Variants in GPC5 observed in about 807,000 individuals in gnomAD.
GPC5 encodes the protein glypican-5.
In GPC5, 47 loss-of-function variants were observed where a neutral mutation model predicts 53.9. The ratio of observed to expected loss-of-function variants is 0.87; its 90% confidence interval spans 0.69 to 1.11. The LOEUF (loss-of-function observed/expected upper bound fraction) is 1.11, where lower values mean the gene tolerates loss of function less well. GPC5 is among the 50% of genes most tolerant of loss of function. The pLI is 0.00. For missense variants in GPC5, 748 were observed against 713.1 expected, an observed-to-expected ratio of 1.05 and a Z score of -0.56; for synonymous variants, 286 against 263.3, an observed-to-expected ratio of 1.09 and a Z score of -0.84.
rs553211134 is a variant in GPC5, at chr13:91,833,590, T to C, written c.1281-74347T>C. ...TTGATCCCTGGGATGGTTCAACATA[T>C]GCAAATCGATAAATGTAATCCATCA... On this transcript the variant is annotated intron_variant, in intron 5 of 7. Transcript: ENST00000377067. Among the ~76,000 whole-genome samples, 514 of 152,074 alleles carry C rather than the reference T, an allele frequency of 3.4e-3. 3 individuals carry two copies. The highest frequency in any genetic ancestry group is 0.012 in the African/African-American group (489 of 41,532).
At chr13:91,992,750 C>G (rs947250578) in intron 6 of GPC5, among the ~76,000 whole-genome samples, 5 of 152,130 alleles carry the variant, frequency 3.3e-5, no homozygotes, top group Non-Finnish European at 5.9e-5. Context: ...GCCACCATGC[C>G]TGGCTAAAGC....
chr13:91,709,494 T>C lies in GPC5; in HGVS notation c.1020+15613T>C, dbSNP rs2036180881. On this transcript the variant is annotated intron_variant, in intron 3 of 7. Transcript: ENST00000377067. Reference sequence around the variant, plus strand: ...TGTTGGTGTTTTGAATGAAATAGGCTCTCCCCTGGCCATCCTCCCAAGCAC... The same window carrying C: ...TGTTGGTGTTTTGAATGAAATAGGCCCTCCCCTGGCCATCCTCCCAAGCAC... Among the ~76,000 whole-genome samples the C allele has an allele frequency of 2.0e-5, 3 of 152,246 alleles. No individual in the cohort carries two copies. In the South Asian group the frequency reaches 6.2e-4, roughly 32 times the overall value.
intron 7 of GPC5, among the ~76,000 whole-genome samples, chr13:92,182,876 G>GAAAA (rs1555317199): frequency 9.0e-6 from 1 of 111,676 alleles, no homozygotes; most frequent in Non-Finnish European, 2.1e-5. Context: ...CTCAAAAAAA[G>GAAAA]AAAAAAAAAA....
intron 1 of GPC5, among the ~76,000 whole-genome samples, chr13:91,418,971 G>C (rs16945908): frequency 0.077 from 11,661 of 151,846 alleles, 1,437 homozygotes; most frequent in African/African-American, 0.26. Flanking sequence ...AAGACAAAAG[G>C]TGCATACTGA....
intron 7 of GPC5, among the ~76,000 whole-genome samples, chr13:92,744,273 G>C (rs1365791187): frequency 6.6e-6 from 1 of 152,056 alleles, no homozygotes; most frequent in African/African-American, 2.4e-5. Context: ...CTACAAGATA[G>C]GGAAAGTGAG....
Position 91,871,311 on chromosome 13 carries a change from C to T in GPC5, c.1281-36626C>T, listed in dbSNP as rs80067108. Among the ~76,000 whole-genome samples the T allele has an allele frequency of 9.2e-3, 1,398 of 152,078 alleles. 10 individuals are homozygous for T. Among genetic ancestry groups the T allele is most frequent in the South Asian group, 0.023 (113 of 4,812 alleles). On this transcript the variant is annotated intron_variant, in intron 5 of 7. Coordinates refer to ENST00000377067, the MANE Select transcript of GPC5 (RefSeq NM_004466.6). ...ATAAGTGGGAGCTAAAGGATAAGAA[C>T]CTATGAACTCAAAGAAGGAAACAGA...
intron 5 of GPC5, among the ~76,000 whole-genome samples, chr13:91,820,906 T>A (rs1395748055): frequency 6.6e-6 from 1 of 150,818 alleles, no homozygotes; most frequent in East Asian, 2.0e-4. Context: ...GAGCTTGCAG[T>A]GAGCTGAGAT....
At chr13:91,555,485 C>T (rs1429955240) in intron 2 of GPC5, among the ~76,000 whole-genome samples, 3 of 152,050 alleles carry the variant, frequency 2.0e-5, no homozygotes, top group Non-Finnish European at 4.4e-5. Context: ...AGAGATCCAC[C>T]ATTTCTTGGC....
intron 7 of GPC5, among the ~76,000 whole-genome samples, chr13:92,807,589 C>G (rs1037219591): frequency 1.3e-5 from 2 of 152,002 alleles, no homozygotes; most frequent in Non-Finnish European, 2.9e-5. Context: ...AAAGCAACCG[C>G]GTTTGTTTCT....
chr13:91,651,877 G>T (rs1299530722), intron 2 of GPC5, among the ~76,000 whole-genome samples: 1 of 152,208 alleles, frequency 6.6e-6, no homozygotes, highest in Non-Finnish European at 1.5e-5. Flanking sequence ...TCATGGAGAA[G>T]TAGGTTGCTT....
At chr13:92,596,355 C>T (rs1157325475) in intron 7 of GPC5, among the ~76,000 whole-genome samples, 2 of 152,020 alleles carry the variant, frequency 1.3e-5, no homozygotes, top group African/African-American at 2.4e-5. Context: ...ATTCAGATGG[C>T]ATATAATATG....
intron 6 of GPC5, among the ~76,000 whole-genome samples, chr13:92,123,812 AAATT>A (rs1324765980): frequency 4.6e-5 from 7 of 152,216 alleles, no homozygotes; most frequent in African/African-American, 1.2e-4. Flanking sequence ...CAGATATTAA[AAATT>A]AATTCAAAGC....
intron 7 of GPC5, among the ~76,000 whole-genome samples, chr13:92,205,775 G>C (rs1394694466): frequency 6.6e-6 from 1 of 152,106 alleles, no homozygotes; most frequent in African/African-American, 2.4e-5. Context: ...GGCCAGGCGC[G>C]GTGGCTCACG....
intron 7 of GPC5, among the ~76,000 whole-genome samples, chr13:92,179,965 T>A (rs2042134936): frequency 6.6e-6 from 1 of 152,230 alleles, no homozygotes. Flanking sequence ...GTTTTTACTG[T>A]GGACAAACAA....
At chr13:91,914,137 T>G (rs560542474) in intron 6 of GPC5, among the ~76,000 whole-genome samples, 38 of 152,318 alleles carry the variant, frequency 2.5e-4, no homozygotes, top group African/African-American at 8.7e-4. Context: ...CTTTAAACAC[T>G]AAATGACATC....
chr13:92,643,437 T>C (rs1263276472), intron 7 of GPC5, among the ~76,000 whole-genome samples: 5 of 149,238 alleles, frequency 3.4e-5, no homozygotes, highest in African/African-American at 1.2e-4. Flanking sequence ...CGTATGTTTA[T>C]TGCGGCATTA....
intron 7 of GPC5, among the ~76,000 whole-genome samples, chr13:92,237,340 C>T (rs2042578075): frequency 1.3e-5 from 2 of 152,110 alleles, no homozygotes; most frequent in South Asian, 4.1e-4. Flanking sequence ...TTGCCTCAAC[C>T]TCCTGAGTAG....
At chr13:92,073,195 A>G (rs375771625) in intron 6 of GPC5, among the ~76,000 whole-genome samples, 18 of 152,296 alleles carry the variant, frequency 1.2e-4, no homozygotes, top group African/African-American at 4.1e-4. Flanking sequence ...TCATAAGTAC[A>G]TTATTTTTGA....
At chr13:92,522,820 T>G (rs1330190841) in intron 7 of GPC5, among the ~76,000 whole-genome samples, 1 of 152,128 alleles carries the variant, frequency 6.6e-6, no homozygotes, top group Non-Finnish European at 1.5e-5. Context: ...CATCTCAACT[T>G]ATTTGCTAAA....
Sources: allele counts gnomAD v4.1 joint callset (sites outside exome capture counted in the v4.1 genomes callset), GRCh38; gene constraint gnomAD v4.1.1; transcripts MANE v1.5; gene names NCBI Gene and HGNC (gene_info 2026-07-23, HGNC 2026-07-21).